ADCY3: variants seen among roughly 807,000 people sequenced by gnomAD.
ADCY3 encodes the protein adenylate cyclase type 3.
In ADCY3, 70 loss-of-function variants were observed where a neutral mutation model predicts 119.4. The observed-to-expected ratio is 0.59, with a 90% CI of 0.48 to 0.72. The LOEUF (loss-of-function observed/expected upper bound fraction) is 0.72. Ranked by LOEUF, ADCY3 falls within the 30% of genes least tolerant of loss-of-function variation. The pLI is 0.00. For missense variants in ADCY3, 1,238 were observed against 1,541.6 expected, an observed-to-expected ratio of 0.80 and a Z score of 3.30; for synonymous variants, 672 against 621.4, an observed-to-expected ratio of 1.08 and a Z score of -1.21.
chr2:24,901,519 C>A (rs6545808), intron 2 of ADCY3, among the ~76,000 whole-genome samples: 71,003 of 152,012 alleles, frequency 0.47, 19,552 homozygotes, highest in African/African-American at 0.78. Flanking sequence ...AAGACAGTAA[C>A]AATTTGGCCA....
chr2:24,851,275 G>A (rs1356349249), intron 3 of ADCY3, among the ~76,000 whole-genome samples: 2 of 152,032 alleles, frequency 1.3e-5, no homozygotes, highest in Non-Finnish European at 2.9e-5. Flanking sequence ...GGGGGTGGGG[G>A]AAGGCAGTGG....
At chr2:24,854,244 CG>C in intron 3 of ADCY3, among the ~76,000 whole-genome samples, 1 of 152,278 alleles carries the variant, frequency 6.6e-6, no homozygotes, top group African/African-American at 2.4e-5. Flanking sequence ...TATCTGTTGA[CG>C]TAAGATAGTA....
intron 9 of ADCY3, among the ~76,000 whole-genome samples, chr2:24,835,933 C>CAAA (rs66514871): frequency 8.5e-5 from 11 of 129,718 alleles, no homozygotes; most frequent in African/African-American, 2.9e-4. Flanking sequence ...GACTCCATCT[C>CAAA]AAAAAAAAAA....
At chr2:24,839,074 C>T (rs1010169855) in intron 7 of ADCY3, among the ~76,000 whole-genome samples, 9 of 151,738 alleles carry the variant, frequency 5.9e-5, no homozygotes, top group African/African-American at 1.9e-4. Flanking sequence ...TCCAGAGTAG[C>T]TGGAATTACA....
chr2:24,858,318 A>C (rs1200235037), intron 3 of ADCY3, among the ~76,000 whole-genome samples: 2 of 152,208 alleles, frequency 1.3e-5, no homozygotes, highest in African/African-American at 4.8e-5. Flanking sequence ...AAGTGAGTCA[A>C]AAATCCAGGT....
chr2:24,858,015 T>A (rs868205814), intron 3 of ADCY3, among the ~76,000 whole-genome samples: 15 of 124,786 alleles, frequency 1.2e-4, no homozygotes, highest in East Asian at 9.0e-4. Flanking sequence ...TTTTTTTTTT[T>A]AAAGAGACAG....
intron 3 of ADCY3, among the ~76,000 whole-genome samples, chr2:24,855,843 C>T (rs2148688943): frequency 6.6e-6 from 1 of 152,316 alleles, no homozygotes; most frequent in East Asian, 1.9e-4. Context: ...CACCCCAGGG[C>T]AATCTGTCGG....
chr2:24,836,796 C>G, intron 9 of ADCY3, 121 bp downstream of exon 9: 1 of 1,408,318 alleles, frequency 7.1e-7, no homozygotes, highest in Non-Finnish European at 9.4e-7. Context: ...TAAGCAGGAG[C>G]AGGTCCTGGG....
chr2:24,869,296 T>A (rs552615006), intron 3 of ADCY3, among the ~76,000 whole-genome samples: 8 of 152,284 alleles, frequency 5.3e-5, no homozygotes, highest in African/African-American at 1.7e-4. Context: ...AAAACCTATA[T>A]AAAAGGAAAT....
chr2:24,852,624 G>A (rs1672459181), intron 3 of ADCY3, among the ~76,000 whole-genome samples: 1 of 152,246 alleles, frequency 6.6e-6, no homozygotes, highest in South Asian at 2.1e-4. Flanking sequence ...GAGCGTGAGA[G>A]GCCTGATGCC....
At chr2:24,863,311 AAGAG>A (rs934448683) in intron 3 of ADCY3, among the ~76,000 whole-genome samples, 8 of 152,176 alleles carry the variant, frequency 5.3e-5, no homozygotes, top group African/African-American at 1.7e-4. Context: ...AAAAGGTGAA[AAGAG>A]AGACTGGCCT....
At chr2:24,916,364 C>A (rs1472868617) in intron 2 of ADCY3, among the ~76,000 whole-genome samples, 1 of 152,124 alleles carries the variant, frequency 6.6e-6, no homozygotes, top group Non-Finnish European at 1.5e-5. Flanking sequence ...GCTAGAGAGA[C>A]CAGTCATCCT....
intron 3 of ADCY3, among the ~76,000 whole-genome samples, chr2:24,870,983 C>T (rs980807983): frequency 6.6e-6 from 1 of 152,166 alleles, no homozygotes; most frequent in African/African-American, 2.4e-5. Context: ...CCTCATCACA[C>T]CAGGGGGCCT....
At chr2:24,917,172 C>A (rs558912751) in intron 2 of ADCY3, among the ~76,000 whole-genome samples, 1 of 152,332 alleles carries the variant, frequency 6.6e-6, no homozygotes, top group South Asian at 2.1e-4. Flanking sequence ...TCTCCAGGAC[C>A]CAGGCACTGA....
At position 24,831,617 on chromosome 2, in the gene ADCY3, C is replaced by T. The variant is rs745314246; in HGVS notation, c.2055+45G>A. 2.7e-6 allele frequency: 4 copies of T among 1,486,212 alleles called. No individual in the cohort carries two copies. The East Asian group carries it at 6.8e-5, about 25-fold the overall frequency. The allele number at this position is 1,486,212 out of a possible 1,614,324, so 92.1% of individuals were successfully genotyped here. A position where few individuals can be genotyped will look rare whatever the true frequency, so the allele number is the denominator to read the frequency against. ...CTGCCCAGTTTTACAGGGAGTGCCACTCACTTCCAGAGGCTTCTGAGCTCA... is the reference window on the plus strand; with the variant it reads ...CTGCCCAGTTTTACAGGGAGTGCCATTCACTTCCAGAGGCTTCTGAGCTCA... On this transcript the variant is annotated intron_variant, in intron 12 of 21. Transcript: ENST00000679454.
chr2:24,825,334 C>CGGGGGGGGGGGGGGGGGGGGGGGG (rs768838126), intron 16 of ADCY3, among the ~76,000 whole-genome samples: 1 of 81,574 alleles, frequency 1.2e-5, no homozygotes, highest in African/African-American at 6.8e-5. Flanking sequence ...GTGGTTGTGG[C>CGGGGGGGGGGGGGGGGGGGGGGGG]GGGGGGGGGG....
rs1458060860 is a variant in ADCY3 at position 24,819,737 on chromosome 2, G to C, written c.*195C>G. On this transcript the variant is annotated 3_prime_UTR_variant, in exon 22 of 22. Transcript: ENST00000679454. ...CCCTATGCCTAAGACCCCTATGCTG[G>C]GGACACTACAGGCACACACAGGAAT... is the stretch of plus-strand genomic sequence containing the variant. 3.3e-6 allele frequency: 2 copies of C among 606,086 alleles called. No homozygotes were observed. Among genetic ancestry groups the C allele is most frequent in the Admixed American group, 6.3e-5 (2 of 31,940 alleles). 37.5% of individuals were successfully genotyped at this position (606,086 alleles called of 1,614,324 possible).
chr2:24,875,263 C>T (rs923251783), intron 2 of ADCY3, among the ~76,000 whole-genome samples: 42 of 152,214 alleles, frequency 2.8e-4, no homozygotes, highest in African/African-American at 9.7e-4. Flanking sequence ...CCCCCTGGGG[C>T]GCTGCCCCCT....
Position 24,898,813 on chromosome 2 carries a change from C to G in ADCY3, c.675+19500G>C, listed in dbSNP as rs1432246629. Among the ~76,000 whole-genome samples, 1 of 152,128 alleles carries G rather than the reference C, an allele frequency of 6.6e-6. No individual in the cohort carries two copies. The highest frequency in any genetic ancestry group is 1.5e-5 in the Non-Finnish European group (1 of 68,000). On this transcript the variant is annotated intron_variant, in intron 2 of 21. Transcript: ENST00000679454. This position sits in a 1 kb window ranked among gnomAD's most constrained non-coding sequence, Gnocchi z 4.3. Reference sequence around the variant, plus strand: ...ACAAAAGCAAAATTTACCACGCAACCAACAGCAGCTCAGCAGTGGGAGGTC... The same window carrying G: ...ACAAAAGCAAAATTTACCACGCAACGAACAGCAGCTCAGCAGTGGGAGGTC...
Sources: gnomAD v4.1 joint callset for allele counts (sites outside exome capture counted in the v4.1 genomes callset) on GRCh38, gnomAD v4.1.1 for gene constraint, Gnocchi (gnomAD v3.1) non-coding constraint, MANE v1.5 for transcripts, NCBI Gene and HGNC (gene_info 2026-07-23, HGNC 2026-07-21) for gene names.